USP26: variants seen among roughly 807,000 people sequenced by gnomAD.
The protein encoded by USP26 is ubiquitin carboxyl-terminal hydrolase 26.
For synonymous variants in USP26, 236 were observed against 240.6 expected, an observed-to-expected ratio of 0.98 and a Z score of 0.18; for missense variants, 649 against 642.3, an observed-to-expected ratio of 1.01 and a Z score of -0.11.
chrX:133,095,073 C>A (rs2067623512), intron 1 of USP26, among the ~76,000 whole-genome samples: 1 of 78,702 alleles, frequency 1.3e-5, no homozygotes, highest in African/African-American at 5.1e-5. Flanking sequence ...CCAGCCTGGG[C>A]GACAGAACAA....
intron 5 of USP26, among the ~76,000 whole-genome samples, chrX:133,038,646 G>C (rs1184792993): frequency 1.3e-4 from 14 of 111,733 alleles, no homozygotes. Flanking sequence ...GTCTCTGCCA[G>C]GTTTTGGAAT....
At chrX:133,029,855 G>C (rs1364518099) in intron 5 of USP26, among the ~76,000 whole-genome samples, 1 of 111,527 alleles carries the variant, frequency 9.0e-6, no homozygotes, top group Non-Finnish European at 1.9e-5. Flanking sequence ...CAGATGAAAG[G>C]AGGCTTATTT....
In USP26 at chrX:133,023,447, C is replaced by T. The variant is rs2067332753; in HGVS notation, c.*2032G>A. The stretch of plus-strand genomic sequence containing the variant: ...CAAAACAACTTTCCTTCATTCTTAC[C>T]AAAATCCTGTTCTGATATCTATGTA... On this transcript the variant is annotated 3_prime_UTR_variant, in exon 6 of 6. Transcript: ENST00000511190. Among the ~76,000 whole-genome samples the T allele has an allele frequency of 9.0e-6, 1 of 111,544 alleles. No individual in the cohort carries two copies. The highest frequency in any genetic ancestry group is 1.9e-5 in the Non-Finnish European group (1 of 53,143).
At chrX:133,055,725 C>T (rs1384215670) in intron 5 of USP26, among the ~76,000 whole-genome samples, 1 of 111,608 alleles carries the variant, frequency 9.0e-6, no homozygotes, top group African/African-American at 3.3e-5. Context: ...AAAAGTCCAG[C>T]AAGGTTTTGT....
chrX:133,060,537 T>A (rs998396906), intron 5 of USP26, among the ~76,000 whole-genome samples: 2 of 111,617 alleles, frequency 1.8e-5, no homozygotes, highest in African/African-American at 6.5e-5. Context: ...TACTATATTA[T>A]CAGTCCAGGA....
intron 4 of USP26, among the ~76,000 whole-genome samples, chrX:133,083,977 G>A (rs2067579013): frequency 9.0e-6 from 1 of 111,487 alleles, no homozygotes. Context: ...GGAGAGCAGA[G>A]CCTCTATCCT....
At chrX:133,030,922 G>C (rs1328831790) in intron 5 of USP26, among the ~76,000 whole-genome samples, 1 of 111,926 alleles carries the variant, frequency 8.9e-6, no homozygotes, top group Non-Finnish European at 1.9e-5. Context: ...CTCTAGAAGG[G>C]TCGTTAGGCT....
chrX:133,042,420 C>A (rs926493167), intron 5 of USP26, among the ~76,000 whole-genome samples: 24 of 111,406 alleles, frequency 2.2e-4, no homozygotes, highest in Non-Finnish European at 4.0e-4. Flanking sequence ...TAGCACAGTC[C>A]CTCCCGCCTT....
At position 133,090,108 on chromosome X, in the gene USP26, C is replaced by A. The variant is rs2067602010; in HGVS notation, c.-142+5G>T. 9.0e-6 allele frequency: 1 copy of A among 111,699 alleles called. No individual in the cohort carries two copies. Among genetic ancestry groups the A allele is most frequent in the African/African-American group, 3.3e-5 (1 of 30,752 alleles). The allele number at this position is 111,699 out of a possible 1,213,427, so 9.2% of individuals were successfully genotyped here. A position where few individuals can be genotyped will look rare whatever the true frequency, so the allele number is the denominator to read the frequency against. ...ATAAAAAATTAGCTGAGCATAGTGACATACCTGTAGCCCCAGTTAGGAGGC... is the reference window on the plus strand; with the variant it reads ...ATAAAAAATTAGCTGAGCATAGTGAAATACCTGTAGCCCCAGTTAGGAGGC... On this transcript the variant is annotated splice_donor_5th_base_variant and intron_variant, in intron 4 of 5. Transcript: ENST00000511190.
intron 5 of USP26, among the ~76,000 whole-genome samples, chrX:133,066,744 AT>A (rs1212235478): frequency 2.7e-5 from 3 of 112,018 alleles, no homozygotes; most frequent in African/African-American, 9.7e-5. Context: ...AAAGACTTAA[AT>A]GTAAAACTCA....
At chrX:133,048,548 ATT>A (rs1323116294) in intron 5 of USP26, among the ~76,000 whole-genome samples, 3 of 87,255 alleles carry the variant, frequency 3.4e-5, no homozygotes. Context: ...GAACAGTTGC[ATT>A]TTTTTTTTTT....
chrX:133,047,598 C>T (rs770532814), intron 5 of USP26, among the ~76,000 whole-genome samples: 19 of 111,948 alleles, frequency 1.7e-4, no homozygotes, highest in African/African-American at 4.9e-4. Context: ...ATGGACTGAA[C>T]GTTTATCCCC....
chrX:133,077,513 C>A (rs1258064263), intron 5 of USP26, among the ~76,000 whole-genome samples: 1 of 112,031 alleles, frequency 8.9e-6, no homozygotes, highest in Non-Finnish European at 1.9e-5. Context: ...ACCAGGATTT[C>A]ATTTTCAGAT....
At chrX:133,041,901 T>C (rs949314584) in intron 5 of USP26, among the ~76,000 whole-genome samples, 10 of 112,252 alleles carry the variant, frequency 8.9e-5, no homozygotes, top group African/African-American at 2.9e-4. Flanking sequence ...CCTCCAAAGG[T>C]GCCCTGCCCA....
At chrX:133,096,047 A>ATTTTTTTTTTTTT (rs779131148) in intron 1 of USP26, among the ~76,000 whole-genome samples, 3 of 36,537 alleles carry the variant, frequency 8.2e-5, no homozygotes, top group African/African-American at 2.5e-4. Flanking sequence ...GCCCGGCCTA[A>ATTTTTTTTTTTTT]TTTTTTTTTT....
chrX:133,044,675 C>T (rs942338440), intron 5 of USP26, among the ~76,000 whole-genome samples: 9 of 113,327 alleles, frequency 7.9e-5, no homozygotes, highest in Non-Finnish European at 1.3e-4. Flanking sequence ...CCACCGTGGG[C>T]TCCTGTGTGG....
chrX:133,061,560 C>T (rs143734698), intron 5 of USP26, among the ~76,000 whole-genome samples: 1,732 of 112,461 alleles, frequency 0.015, 16 homozygotes, highest in African/African-American at 0.053. Context: ...GCAAGACCAA[C>T]GCAGAAGGCG....
In USP26 at chrX:133,027,190, C is replaced by G. The variant is rs762843998; in HGVS notation, c.1031G>C (p.Arg344Pro). The G allele has an allele frequency of 8.3e-7, 1 of 1,209,553 alleles. No homozygotes were observed. ...PLNALTMCLA[R>P]LLFFKDTYNI... ...ATAGGTATCTTTAAAAAAAAGTAGC[C>G]GTGCCAAGCACATGGTAAGAGCATT... Residue 344 changes from arginine (R) to proline (P), a missense_variant, in exon 6 of 6, where the codon CGG becomes CCG. Coordinates refer to ENST00000511190, the MANE Select transcript of USP26 (RefSeq NM_031907.3).
At chrX:133,034,414 C>T (rs1281501451) in intron 5 of USP26, among the ~76,000 whole-genome samples, 2 of 111,445 alleles carry the variant, frequency 1.8e-5, no homozygotes, top group Non-Finnish European at 3.8e-5. Flanking sequence ...CTGACTATGA[C>T]ATGAAGGCAA....
Sources: gnomAD v4.1 joint callset for allele counts (sites outside exome capture counted in the v4.1 genomes callset) on GRCh38, gnomAD v4.1.1 for gene constraint, MANE v1.5 for transcripts, NCBI Gene and HGNC (gene_info 2026-07-23, HGNC 2026-07-21) for gene names.